The following USP47 variants were observed in gnomAD, a reference collection of about 807,000 sequenced individuals.
The protein encoded by USP47 is ubiquitin carboxyl-terminal hydrolase 47.
A neutral mutation model predicts 165.1 loss-of-function variants in USP47; 35 were observed. That is an observed-to-expected ratio of 0.21 (90% CI 0.16 to 0.28). The LOEUF (loss-of-function observed/expected upper bound fraction) is 0.28, where lower values mean the gene tolerates loss of function less well. Among genes scored for constraint, USP47 ranks in the 10% least tolerant of loss-of-function variants. The pLI, the probability that USP47 is intolerant of heterozygous loss-of-function variation, is 1.00. For synonymous variants in USP47, 531 were observed against 544.5 expected (o/e 0.98, Z 0.35); for missense variants, 1,277 against 1,607.4 (o/e 0.79, Z 3.52).
chr11:11,961,806 T>C lies in USP47; in HGVS notation c.*5631T>C, dbSNP rs564567904. 1.2e-4 allele frequency among the ~76,000 whole-genome samples: 18 copies of C among 152,342 alleles called. No homozygotes were observed. The highest frequency in any genetic ancestry group is 4.3e-4 in the African/African-American group (18 of 41,584). On this transcript the variant is annotated 3_prime_UTR_variant, in exon 28 of 28. Coordinates refer to ENST00000527733, the MANE Select transcript of USP47 (RefSeq NM_001282659.2). ...CTGTTGAGCAGTTTACCTGACGGCA[T>C]CTGCCATGGCTTGGCAGGAACTCTG... is the stretch of plus-strand genomic sequence containing the variant.
chr11:11,861,397 C>T (rs1445855429), intron 1 of USP47, among the ~76,000 whole-genome samples: 1 of 152,098 alleles, frequency 6.6e-6, no homozygotes, highest in East Asian at 1.9e-4. Flanking sequence ...CACCCGGCCC[C>T]ATCCAACTTT....
chr11:11,861,683 G>A (rs1274041612), intron 1 of USP47, among the ~76,000 whole-genome samples: 4 of 152,068 alleles, frequency 2.6e-5, no homozygotes, highest in African/African-American at 9.7e-5. Context: ...AGAATAAAAT[G>A]GAATGCATTT....
intron 1 of USP47, among the ~76,000 whole-genome samples, chr11:11,865,018 AT>A (rs1564855350): frequency 6.6e-6 from 1 of 152,088 alleles, no homozygotes; most frequent in African/African-American, 2.4e-5. Flanking sequence ...ATCTGCTGTC[AT>A]TTGAATTGTT....
intron 4 of USP47, 83 bp from the exon 5 acceptor site, chr11:11,897,514 T>C: frequency 9.7e-7 from 1 of 1,035,056 alleles, no homozygotes; most frequent in Non-Finnish European, 1.4e-6. Flanking sequence ...TCTGAATCTT[T>C]ACTGTGAATT....
At chr11:11,850,618 G>A (rs541498428) in intron 1 of USP47, among the ~76,000 whole-genome samples, 4 of 152,136 alleles carry the variant, frequency 2.6e-5, no homozygotes, top group Non-Finnish European at 5.9e-5. Flanking sequence ...TAAGAGAGAG[G>A]CCCTAAGCTG....
Position 11,947,937 on chromosome 11 carries a change from G to A in USP47, c.3092-8G>A, listed in dbSNP as rs779105593. ...TTGTTCCTGTTTTGGTTTTTTTTTT[G>A]TGCTTAGGGTTGATGGTGCATGTTG... On this transcript the variant is annotated splice_polypyrimidine_tract_variant and splice_region_variant and intron_variant, in intron 20 of 27. Transcript: ENST00000527733. 1.4e-5 allele frequency: 21 copies of A among 1,530,854 alleles called. No individual in the cohort carries two copies. In the South Asian group the frequency reaches 2.7e-4, roughly 19 times the overall value. The allele number at this position is 1,530,854 out of a possible 1,614,324, so 94.8% of individuals were successfully genotyped here. A position where few individuals can be genotyped will look rare whatever the true frequency, so the allele number is the denominator to read the frequency against.
At chr11:11,861,410 A>G (rs1218287226) in intron 1 of USP47, among the ~76,000 whole-genome samples, 1 of 152,038 alleles carries the variant, frequency 6.6e-6, no homozygotes, top group African/African-American at 2.4e-5. Flanking sequence ...CCAACTTTGA[A>G]TGTAGTTGTA....
chr11:11,892,150 C>T, intron 4 of USP47, 44 bp downstream of exon 4: 1 of 1,569,880 alleles, frequency 6.4e-7, no homozygotes, highest in Non-Finnish European at 8.7e-7. Context: ...GCATTAGATC[C>T]AAAGTAATCT....
chr11:11,895,626 C>T (rs748935019), intron 4 of USP47, among the ~76,000 whole-genome samples: 2 of 152,160 alleles, frequency 1.3e-5, no homozygotes, highest in Non-Finnish European at 2.9e-5. Flanking sequence ...CTACCACTTC[C>T]CACTGGTAGC....
At chr11:11,845,986 G>A (rs1351607947) in intron 1 of USP47, among the ~76,000 whole-genome samples, 1 of 152,146 alleles carries the variant, frequency 6.6e-6, no homozygotes, top group Admixed American at 6.5e-5. Flanking sequence ...TTTCTGTTCT[G>A]AGTCTGAGCT....
In USP47 at chr11:11,942,235, C is replaced by T. The variant is rs1161580309; in HGVS notation, c.2314-100C>T. ...AACTATATCATCACACATGTTATAA[C>T]ATAACTGTGTATTGTGTTGTATTGA... On this transcript the variant is annotated intron_variant, in intron 19 of 27. Coordinates refer to ENST00000527733, the MANE Select transcript of USP47 (RefSeq NM_001282659.2). 26 of 1,297,880 alleles carry T rather than the reference C, an allele frequency of 2.0e-5. No homozygotes were observed. The East Asian group carries it at 5.6e-4, about 28-fold the overall frequency. 80.4% of individuals were successfully genotyped at this position (1,297,880 alleles called of 1,614,324 possible).
At chr11:11,925,200 C>T (rs1469885542) in intron 11 of USP47, among the ~76,000 whole-genome samples, 8 of 150,168 alleles carry the variant, frequency 5.3e-5, no homozygotes, top group Non-Finnish European at 1.2e-4. Context: ...TTCCACCTCC[C>T]AAGTTCACGC....
At chr11:11,848,391 G>A (rs1848542062) in intron 1 of USP47, among the ~76,000 whole-genome samples, 1 of 152,192 alleles carries the variant, frequency 6.6e-6, no homozygotes, top group African/African-American at 2.4e-5. Flanking sequence ...GTCTTTGTGT[G>A]TTCAAACATA....
intron 1 of USP47, among the ~76,000 whole-genome samples, chr11:11,849,806 T>C (rs1295783261): frequency 6.6e-6 from 1 of 152,208 alleles, no homozygotes; most frequent in African/African-American, 2.4e-5. Context: ...TTTCAATAGT[T>C]CTCTGGATGG....
At chr11:11,926,564 C>G (rs1480819793) in intron 11 of USP47, among the ~76,000 whole-genome samples, 2 of 151,920 alleles carry the variant, frequency 1.3e-5, no homozygotes, top group Non-Finnish European at 2.9e-5. Context: ...AGTCTTTTCT[C>G]TTTCTTAGCC....
chr11:11,874,348 C>T (rs1226804266), intron 1 of USP47, among the ~76,000 whole-genome samples: 1 of 152,102 alleles, frequency 6.6e-6, no homozygotes, highest in South Asian at 2.1e-4. Context: ...CAGAGTTGCT[C>T]CTTTAATCTC....
intron 3 of USP47, among the ~76,000 whole-genome samples, chr11:11,886,030 C>T (rs988417787): frequency 6.6e-6 from 1 of 152,118 alleles, no homozygotes; most frequent in Non-Finnish European, 1.5e-5. Flanking sequence ...AAAAGTAAAA[C>T]AAATAAGCAG....
At chr11:11,893,296 C>T (rs1851657754) in intron 4 of USP47, among the ~76,000 whole-genome samples, 1 of 152,128 alleles carries the variant, frequency 6.6e-6, no homozygotes, top group East Asian at 1.9e-4. Context: ...TTGCATATGT[C>T]ATTAATGGTG....
Position 11,920,121 on chromosome 11 carries a change from T to A in USP47, c.970-35T>A. ...AGGATTTTGTCATTAATATAATATT[T>A]TAAGTAATTATAAAACAAATTTTTT... On this transcript the variant is annotated intron_variant, in intron 8 of 27. Transcript: ENST00000527733. 3 of 1,463,762 alleles carry A rather than the reference T, an allele frequency of 2.0e-6. No individual in the cohort carries two copies. The South Asian group carries it at 4.2e-5, about 21-fold the overall frequency. 90.7% of individuals were successfully genotyped at this position (1,463,762 alleles called of 1,614,324 possible).
Sources: allele counts gnomAD v4.1 joint callset (sites outside exome capture counted in the v4.1 genomes callset), GRCh38; gene constraint gnomAD v4.1.1; transcripts MANE v1.5; gene names NCBI Gene and HGNC (gene_info 2026-07-23, HGNC 2026-07-21).